Variants in FBXO42 observed in about 807,000 individuals in gnomAD.
FBXO42 encodes F-box only protein 42.
FBXO42 carries 12 observed loss-of-function variants against 71.7 expected under a neutral mutation model. The observed-to-expected ratio is 0.17, with a 90% confidence interval of 0.11 to 0.27. The LOEUF is 0.27. Ranked by LOEUF, FBXO42 falls within the 10% of genes least tolerant of loss-of-function variation. The probability of loss-of-function intolerance (pLI) is 1.00; values close to 1 mark genes in which losing one functional copy is unlikely to be tolerated. For synonymous variants in FBXO42, 325 were observed against 327.5 expected, an observed-to-expected ratio of 0.99 and a Z score of 0.08; for missense variants, 707 against 911.9, an observed-to-expected ratio of 0.78 and a Z score of 2.89.
chr1:16,348,010 GA>G (rs1252669835), intron 1 of FBXO42, among the ~76,000 whole-genome samples: 5 of 135,526 alleles, frequency 3.7e-5, no homozygotes, highest in African/African-American at 6.1e-5. Flanking sequence ...AAAAAAAAAA[GA>G]AAAAAAGAAA....
intron 1 of FBXO42, among the ~76,000 whole-genome samples, chr1:16,330,658 T>A (rs1304857378): frequency 6.6e-6 from 1 of 151,834 alleles, no homozygotes; most frequent in Non-Finnish European, 1.5e-5. Context: ...AATACAAAAA[T>A]TGGCCAGGTG....
At chr1:16,294,439 G>A (rs777620780) in intron 4 of FBXO42, 2 of 233,702 alleles carry the variant, frequency 8.6e-6, no homozygotes, top group Non-Finnish European at 1.7e-5. Context: ...GCTTCTGTCA[G>A]TCAACTACAG....
At position 16,252,318 on chromosome 1, in the gene FBXO42, G is replaced by A. The variant is rs758219133; in HGVS notation, c.1008C>T (p.Ala336=). 1 of 1,614,162 alleles carries A rather than the reference G, an allele frequency of 6.2e-7. No individual in the cohort carries two copies. The highest frequency in any genetic ancestry group is 8.5e-7 in the Non-Finnish European group (1 of 1,180,018). The change falls in exon 9 of 10, where the codon GCC becomes GCT. Residue 336 remains alanine, a synonymous_variant. Transcript: ENST00000375592. The surrounding 1 kb of genome is among the most constrained non-coding windows in gnomAD (Gnocchi z 4.4). ...PLKVENEEHG[A]PELWCHPACR... Reference sequence around the variant, plus strand: ...AAGCTGGATGGCACCACAGTTCTGGGGCCCCATGCTCTTCATTTTCTACCT... The same window carrying A: ...AAGCTGGATGGCACCACAGTTCTGGAGCCCCATGCTCTTCATTTTCTACCT...
chr1:16,334,968 C>G (rs371813336), intron 1 of FBXO42, among the ~76,000 whole-genome samples: 1 of 144,972 alleles, frequency 6.9e-6, no homozygotes, highest in Admixed American at 7.3e-5. Flanking sequence ...GGTTCACACC[C>G]GTAATCCCAG....
chr1:16,319,986 G>A (rs2082398887), intron 1 of FBXO42, among the ~76,000 whole-genome samples: 1 of 151,848 alleles, frequency 6.6e-6, no homozygotes, highest in Admixed American at 6.6e-5. Flanking sequence ...TGGGTAAGGT[G>A]TTTTTCAACA....
chr1:16,323,842 C>T (rs2082429788), intron 1 of FBXO42, among the ~76,000 whole-genome samples: 1 of 142,034 alleles, frequency 7.0e-6, no homozygotes, highest in Non-Finnish European at 1.5e-5. Context: ...GAAGGAGGAG[C>T]AGAGAAAAAT....
chr1:16,270,123 T>C (rs1270890321), intron 4 of FBXO42, among the ~76,000 whole-genome samples: 1 of 152,188 alleles, frequency 6.6e-6, no homozygotes, highest in Non-Finnish European at 1.5e-5. Context: ...CCCAAGGTGC[T>C]GGGATTACAG....
intron 4 of FBXO42, among the ~76,000 whole-genome samples, chr1:16,289,358 T>C (rs913521081): frequency 5.9e-5 from 9 of 151,538 alleles, no homozygotes; most frequent in African/African-American, 2.2e-4. Flanking sequence ...CAATTAATTA[T>C]GATTGTGCCA....
chr1:16,284,963 C>CT (rs1379678488), intron 4 of FBXO42, among the ~76,000 whole-genome samples: 2 of 108,420 alleles, frequency 1.8e-5, no homozygotes, highest in African/African-American at 3.7e-5. Flanking sequence ...GAGCAAAACT[C>CT]TGTCTCAAAA....
chr1:16,315,997 C>A (rs1380856521), intron 1 of FBXO42, among the ~76,000 whole-genome samples: 1 of 151,444 alleles, frequency 6.6e-6, no homozygotes, highest in Non-Finnish European at 1.5e-5. Flanking sequence ...ATGGAGAAAC[C>A]CCGTCTCTAC....
intron 1 of FBXO42, among the ~76,000 whole-genome samples, chr1:16,319,134 G>A (rs77086140): frequency 0.019 from 2,955 of 152,266 alleles, 80 homozygotes; most frequent in African/African-American, 0.068. Context: ...TCCCAAAATT[G>A]GGAAAAGCTG....
At chr1:16,350,759 AAG>A (rs1404137752) in intron 1 of FBXO42, among the ~76,000 whole-genome samples, 18 of 132,538 alleles carry the variant, frequency 1.4e-4, no homozygotes, top group African/African-American at 4.8e-4. Context: ...AAAAAAAAAA[AAG>A]AAAGAAAGAA....
chr1:16,344,358 GC>G (rs1458699404), intron 1 of FBXO42, among the ~76,000 whole-genome samples: 1 of 144,168 alleles, frequency 6.9e-6, no homozygotes, highest in Non-Finnish European at 1.5e-5. Context: ...AGACTCTACC[GC>G]CCAGGCTGGA....
At position 16,248,700 on chromosome 1, in the gene FBXO42, G is replaced by C. The variant is rs536149820; in HGVS notation, c.*1970C>G. 6.6e-6 allele frequency: 1 copy of C among 152,174 alleles called. No homozygotes were observed. The highest frequency in any genetic ancestry group is 1.9e-4 in the East Asian group (1 of 5,194). The allele number at this position is 152,174 out of a possible 1,614,324, so 9.4% of individuals were successfully genotyped here. On this transcript the variant is annotated 3_prime_UTR_variant, in exon 10 of 10. Transcript: ENST00000375592. ...TTGTAAATAAGGACCCCACATGATC[G>C]AACAGTCTTTGCCAAGCAAGGATTG...
chr1:16,276,379 C>CAAAA (rs34711223), intron 4 of FBXO42, among the ~76,000 whole-genome samples: 7 of 97,340 alleles, frequency 7.2e-5, no homozygotes, highest in East Asian at 3.6e-4. Context: ...CACTCTGTCT[C>CAAAA]AAAAAAAAAA....
chr1:16,301,351 T>C (rs1007769200), intron 3 of FBXO42, among the ~76,000 whole-genome samples: 5 of 152,098 alleles, frequency 3.3e-5, no homozygotes, highest in African/African-American at 7.2e-5. Context: ...ATATCAACTA[T>C]GAACAAGGTG....
At chr1:16,269,486 T>C (rs142652447) in intron 4 of FBXO42, among the ~76,000 whole-genome samples, 1 of 151,708 alleles carries the variant, frequency 6.6e-6, no homozygotes, top group Non-Finnish European at 1.5e-5. Context: ...GCTTCCTGAG[T>C]AGCTGAAATT....
intron 4 of FBXO42, among the ~76,000 whole-genome samples, chr1:16,260,197 T>A (rs1367507625): frequency 6.8e-6 from 1 of 147,126 alleles, no homozygotes; most frequent in African/African-American, 2.5e-5. Flanking sequence ...ACATCTATTA[T>A]GTACTATGCA....
rs376128070 is a variant in FBXO42 at position 16,275,424 on chromosome 1, T to C, written c.503-18665A>G. On this transcript the variant is annotated intron_variant, in intron 4 of 9. Transcript: ENST00000375592. ...CTTGAGGCTAGGAGTGCAAGACCAGTCTGGGCATTACAGTGAGACGCTGTC... is the reference window on the plus strand; with the variant it reads ...CTTGAGGCTAGGAGTGCAAGACCAGCCTGGGCATTACAGTGAGACGCTGTC... Among the ~76,000 whole-genome samples the C allele has an allele frequency of 1.2e-4, 18 of 152,128 alleles. No individual in the cohort carries two copies. In the East Asian group the frequency reaches 3.3e-3, roughly 28 times the overall value.
Sources: allele counts gnomAD v4.1 joint callset (sites outside exome capture counted in the v4.1 genomes callset), GRCh38; gene constraint gnomAD v4.1.1; non-coding constraint Gnocchi (gnomAD v3.1); transcripts MANE v1.5; gene names NCBI Gene and HGNC (gene_info 2026-07-23, HGNC 2026-07-21).